The following SRGAP1 variants were observed in gnomAD, a reference collection of about 807,000 sequenced individuals.
SRGAP1 encodes SLIT-ROBO Rho GTPase activating protein 1.
Under a neutral mutation model 121.9 loss-of-function variants are expected in SRGAP1, and 43 were observed. The observed-to-expected ratio is 0.35, with a 90% CI of 0.28 to 0.46. The LOEUF (loss-of-function observed/expected upper bound fraction) is 0.46. SRGAP1 is among the 20% of genes least tolerant of loss of function. The pLI, the probability that SRGAP1 is intolerant of heterozygous loss-of-function variation, is 1.00. For synonymous variants in SRGAP1, 447 were observed against 485.4 expected, an observed-to-expected ratio of 0.92 and a Z score of 1.04; for missense variants, 1,102 against 1,350.9, an observed-to-expected ratio of 0.82 and a Z score of 2.89.
chr12:63,936,361 G>A (rs557814498), intron 1 of SRGAP1, among the ~76,000 whole-genome samples: 1 of 152,306 alleles, frequency 6.6e-6, no homozygotes, highest in Non-Finnish European at 1.5e-5. Context: ...TATATTGGAA[G>A]AGCCCCAATT....
intron 8 of SRGAP1, among the ~76,000 whole-genome samples, chr12:64,077,316 TGTCAA>T (rs1177332233): frequency 2.0e-5 from 3 of 151,972 alleles, no homozygotes; most frequent in African/African-American, 7.2e-5. Context: ...TAAAAGACGT[TGTCAA>T]GTCAACAAAA....
intron 15 of SRGAP1, among the ~76,000 whole-genome samples, chr12:64,101,350 T>TGTGTGTGA (rs1244966634): frequency 4.0e-5 from 6 of 150,196 alleles, no homozygotes; most frequent in African/African-American, 7.4e-5. Flanking sequence ...TGTGTGTGTG[T>TGTGTGTGA]GATGAGTAGT....
rs1186067647 is a variant in SRGAP1, at chr12:64,147,364, ACCT to A, written c.*4701_*4703del. 2.0e-5 allele frequency: 1 copy of A among 49,368 alleles called. No homozygotes were observed. Among genetic ancestry groups the A allele is most frequent in the Non-Finnish European group, 4.2e-5 (1 of 23,986 alleles). 3.1% of individuals were successfully genotyped at this position (49,368 alleles called of 1,614,324 possible). Reference sequence around the variant, plus strand: ...TTGCCCCGCTCTGTGCCCCACCCCCACCTCCTCCTCCCAATTCCTGCTGCCCAC... The same window carrying A: ...TTGCCCCGCTCTGTGCCCCACCCCCACCTCCTCCCAATTCCTGCTGCCCAC... On this transcript the variant is annotated 3_prime_UTR_variant, in exon 22 of 22. Transcript: ENST00000355086.
intron 6 of SRGAP1, among the ~76,000 whole-genome samples, chr12:64,054,826 C>T (rs1276599470): frequency 6.6e-6 from 1 of 151,348 alleles, no homozygotes; most frequent in East Asian, 1.9e-4. Context: ...CATGCTGGTG[C>T]ACTGCACCCA....
chr12:63,991,719 A>G (rs1031226766), intron 3 of SRGAP1, among the ~76,000 whole-genome samples: 7 of 152,200 alleles, frequency 4.6e-5, no homozygotes, highest in South Asian at 4.1e-4. Flanking sequence ...AAGAAAATCT[A>G]TTCCTGGTGC....
intron 6 of SRGAP1, among the ~76,000 whole-genome samples, chr12:64,059,631 T>C (rs74810811): frequency 7.0e-4 from 107 of 152,294 alleles, no homozygotes; most frequent in African/African-American, 2.4e-3. Flanking sequence ...CTTTACAAAT[T>C]TGTGTTTTCA....
At chr12:64,027,951 A>G (rs539400936) in intron 4 of SRGAP1, among the ~76,000 whole-genome samples, 1 of 152,228 alleles carries the variant, frequency 6.6e-6, no homozygotes, top group Non-Finnish European at 1.5e-5. Flanking sequence ...TTGGGTCCTC[A>G]TTGTAAATAT....
chr12:64,040,844 A>G (rs2035002445), intron 4 of SRGAP1, among the ~76,000 whole-genome samples: 1 of 152,232 alleles, frequency 6.6e-6, no homozygotes, highest in African/African-American at 2.4e-5. Context: ...AGCTGAGTAT[A>G]AAATTGGCAA....
intron 1 of SRGAP1, among the ~76,000 whole-genome samples, chr12:63,848,388 A>G (rs1228013766): frequency 6.6e-6 from 1 of 152,084 alleles, no homozygotes; most frequent in Non-Finnish European, 1.5e-5. Flanking sequence ...CTTAACTGTG[A>G]AAAGAACCAT....
intron 3 of SRGAP1, among the ~76,000 whole-genome samples, chr12:63,996,657 GTAGTAAATAATATAA>G (rs1298030694): frequency 6.6e-6 from 1 of 152,056 alleles, no homozygotes; most frequent in Non-Finnish European, 1.5e-5. Flanking sequence ...TTATATAACA[GTAGTAAATAATATAA>G]CAAGAAGAAC....
intron 21 of SRGAP1, among the ~76,000 whole-genome samples, chr12:64,131,533 G>T (rs544671259): frequency 1.3e-5 from 2 of 152,134 alleles, no homozygotes; most frequent in African/African-American, 4.8e-5. Context: ...GTCCACTTTC[G>T]GGTGGTGCCT....
chr12:64,032,410 A>G (rs936572922), intron 4 of SRGAP1: 2 of 595,304 alleles, frequency 3.4e-6, no homozygotes, highest in Admixed American at 5.5e-5. Flanking sequence ...ACTCTGCCTC[A>G]TCAGTCAGAT....
chr12:64,082,001 CTTTTTTTTT>C, intron 10 of SRGAP1: 1 of 66,138 alleles, frequency 1.5e-5, no homozygotes, highest in East Asian at 5.4e-4. Flanking sequence ...CATGTAAGGT[CTTTTTTTTT>C]TTTTTTTTTT....
chr12:63,921,057 G>A (rs1424064074), intron 1 of SRGAP1, among the ~76,000 whole-genome samples: 1 of 151,960 alleles, frequency 6.6e-6, no homozygotes, highest in African/African-American at 2.4e-5. Context: ...GTGAGTGGTG[G>A]CCCATCCATC....
chr12:64,026,031 A>G (rs529853368), intron 4 of SRGAP1, among the ~76,000 whole-genome samples: 1 of 152,258 alleles, frequency 6.6e-6, no homozygotes, highest in East Asian at 1.9e-4. Context: ...TCTTTCTGAT[A>G]TTTAAGAATT....
chr12:63,970,372 G>A (rs1028070622), intron 1 of SRGAP1, among the ~76,000 whole-genome samples: 10 of 152,318 alleles, frequency 6.6e-5, no homozygotes, highest in Admixed American at 1.3e-4. Flanking sequence ...AGATGTAAAA[G>A]GGTGGGTGTG....
At chr12:64,062,370 C>T (rs1179791902) in intron 6 of SRGAP1, among the ~76,000 whole-genome samples, 1 of 152,138 alleles carries the variant, frequency 6.6e-6, no homozygotes, top group Non-Finnish European at 1.5e-5. Context: ...ATTCATTGCC[C>T]ATTTTAAAAT....
At chr12:63,961,002 G>A (rs904024663) in intron 1 of SRGAP1, among the ~76,000 whole-genome samples, 7 of 152,164 alleles carry the variant, frequency 4.6e-5, no homozygotes, top group African/African-American at 9.7e-5. Context: ...AAGCCACTAC[G>A]TTTGTGGTCA....
intron 1 of SRGAP1, among the ~76,000 whole-genome samples, chr12:63,959,453 C>G (rs574553385): frequency 2.4e-4 from 37 of 152,228 alleles, no homozygotes; most frequent in Non-Finnish European, 3.8e-4. Context: ...AGAATAGAAA[C>G]TCAAGAAATC....
Sources: gnomAD v4.1 joint callset for allele counts (sites outside exome capture counted in the v4.1 genomes callset) on GRCh38, gnomAD v4.1.1 for gene constraint, MANE v1.5 for transcripts, NCBI Gene and HGNC (gene_info 2026-07-23, HGNC 2026-07-21) for gene names.